Variants in FGF14 observed in about 807,000 individuals in gnomAD.
FGF14 encodes fibroblast growth factor homologous factor 4.
In FGF14, 5 loss-of-function variants were observed where a neutral mutation model predicts 25.5. The observed-to-expected ratio is 0.20, with a 90% CI of 0.10 to 0.41. The LOEUF is 0.41. Ranked by LOEUF, FGF14 falls within the 10% of genes least tolerant of loss-of-function variation. FGF14 has a pLI of 1.00. For synonymous variants in FGF14, 138 were observed against 118.3 expected (o/e 1.17, Z -1.08); for missense variants, 222 against 320.1 (o/e 0.69, Z 2.34).
At chr13:101,846,286 T>C (rs2043455029) in intron 3 of FGF14, among the ~76,000 whole-genome samples, 1 of 151,880 alleles carries the variant, frequency 6.6e-6, no homozygotes, top group Admixed American at 6.6e-5. Flanking sequence ...GAATACTACA[T>C]TAAAAAAATT....
chr13:102,218,230 A>T (rs2050457932), intron 1 of FGF14, among the ~76,000 whole-genome samples: 1 of 152,010 alleles, frequency 6.6e-6, no homozygotes, highest in African/African-American at 2.4e-5. Flanking sequence ...TGCTTGAATA[A>T]AAAGCCCTGA....
intron 1 of FGF14, among the ~76,000 whole-genome samples, chr13:101,945,179 G>A (rs560438317): frequency 6.6e-6 from 1 of 152,216 alleles, no homozygotes; most frequent in African/African-American, 2.4e-5. Context: ...TTATCTGGGT[G>A]TGGTGGCGCA....
intron 1 of FGF14, among the ~76,000 whole-genome samples, chr13:102,140,042 G>GACC (rs2046576363): frequency 8.1e-6 from 1 of 122,890 alleles, no homozygotes; most frequent in African/African-American, 3.4e-5. Context: ...AACTCTTCAA[G>GACC]ACCCCCCCCC....
chr13:101,866,039 G>A (rs2044684935), intron 3 of FGF14, among the ~76,000 whole-genome samples: 1 of 151,702 alleles, frequency 6.6e-6, no homozygotes, highest in Admixed American at 6.6e-5. Flanking sequence ...GTTTGTCATG[G>A]CTTTTAAAAC....
intron 2 of FGF14, 58 bp from the exon 3 acceptor site, chr13:101,868,886 A>AT (rs1469787621): frequency 3.4e-5 from 38 of 1,118,874 alleles, no homozygotes; most frequent in African/African-American, 1.5e-4. Flanking sequence ...GCAGAGTGTA[A>AT]TTTTTTCTTT....
chr13:102,057,057 A>T (rs2140085155), intron 1 of FGF14, among the ~76,000 whole-genome samples: 1 of 152,036 alleles, frequency 6.6e-6, no homozygotes, highest in East Asian at 1.9e-4. Flanking sequence ...TGCCAATAAA[A>T]TATGGTTTAT....
intron 1 of FGF14, among the ~76,000 whole-genome samples, chr13:102,000,310 C>T (rs1251312345): frequency 6.6e-6 from 1 of 152,142 alleles, no homozygotes; most frequent in Admixed American, 6.5e-5. Flanking sequence ...CAGAGCAAGA[C>T]TCCGTCTCAA....
intron 1 of FGF14, among the ~76,000 whole-genome samples, chr13:102,047,898 C>T (rs2042060058): frequency 6.6e-6 from 1 of 151,928 alleles, no homozygotes; most frequent in African/African-American, 2.4e-5. Flanking sequence ...CTTTTCATGC[C>T]TTCTATTTAG....
chr13:101,916,048 G>A (rs2033444642), intron 1 of FGF14, among the ~76,000 whole-genome samples: 1 of 152,184 alleles, frequency 6.6e-6, no homozygotes, highest in South Asian at 2.1e-4. Flanking sequence ...CCACCCCATG[G>A]AAACCCCCAC....
chr13:102,260,423 C>T (rs1310874649), intron 1 of FGF14, among the ~76,000 whole-genome samples: 1 of 152,172 alleles, frequency 6.6e-6, no homozygotes, highest in South Asian at 2.1e-4. Context: ...CAGGCACTGG[C>T]GTGGCAGCAT....
Position 101,915,696 on chromosome 13 carries a change from A to G in FGF14, c.193+757T>C, listed in dbSNP as rs562222911. On this transcript the variant is annotated intron_variant, in intron 1 of 4. Transcript: ENST00000376143. ...GTAACTATTCTAGTCACCTTTATAT[A>G]GTAACGGCTTGTATCTCAGGCAATT... Among the ~76,000 whole-genome samples the G allele has an allele frequency of 3.9e-5, 6 of 152,366 alleles. No homozygotes were observed. The South Asian group carries it at 1.2e-3, about 32-fold the overall frequency.
intron 1 of FGF14, among the ~76,000 whole-genome samples, chr13:101,958,328 A>T (rs1040721920): frequency 6.6e-6 from 1 of 152,240 alleles, no homozygotes; most frequent in Non-Finnish European, 1.5e-5. Flanking sequence ...GAATCTGAAG[A>T]TGTTAAGCAT....
intron 1 of FGF14, among the ~76,000 whole-genome samples, chr13:102,393,500 G>A (rs182355647): frequency 2.0e-4 from 30 of 152,148 alleles, no homozygotes; most frequent in African/African-American, 7.0e-4. Context: ...TACAAATGAG[G>A]TTTATAAAAA....
chr13:102,233,764 C>T (rs939729238), intron 1 of FGF14, among the ~76,000 whole-genome samples: 1 of 152,172 alleles, frequency 6.6e-6, no homozygotes, highest in Non-Finnish European at 1.5e-5. Context: ...CTCTTGTCGA[C>T]ACACAACCCA....
chr13:102,333,102 C>T (rs933325656), intron 1 of FGF14, among the ~76,000 whole-genome samples: 1 of 152,116 alleles, frequency 6.6e-6, no homozygotes, highest in Non-Finnish European at 1.5e-5. Context: ...TATCATACTG[C>T]ACTAAGTAAA....
intron 1 of FGF14, among the ~76,000 whole-genome samples, chr13:102,022,015 A>G (rs1312400529): frequency 6.6e-6 from 1 of 152,076 alleles, no homozygotes; most frequent in Non-Finnish European, 1.5e-5. Context: ...GACTCCCCAG[A>G]TAGAACTGCC....
intron 1 of FGF14, among the ~76,000 whole-genome samples, chr13:101,899,977 C>A (rs1371035634): frequency 6.6e-6 from 1 of 152,048 alleles, no homozygotes; most frequent in Non-Finnish European, 1.5e-5. Flanking sequence ...TTTCAATTTG[C>A]TATTTTATTT....
intron 1 of FGF14, among the ~76,000 whole-genome samples, chr13:102,288,668 T>C (rs1315420297): frequency 6.6e-6 from 1 of 152,108 alleles, no homozygotes; most frequent in Non-Finnish European, 1.5e-5. Context: ...CACTGCAACC[T>C]CTACCTCCTG....
At chr13:101,824,207 C>T (rs2042295694) in intron 3 of FGF14, among the ~76,000 whole-genome samples, 1 of 152,068 alleles carries the variant, frequency 6.6e-6, no homozygotes, top group Admixed American at 6.6e-5. Context: ...TTCATACTTT[C>T]TACTAGAAGG....
Sources: allele counts gnomAD v4.1 joint callset (sites outside exome capture counted in the v4.1 genomes callset), GRCh38; gene constraint gnomAD v4.1.1; transcripts MANE v1.5; gene names NCBI Gene and HGNC (gene_info 2026-07-23, HGNC 2026-07-21).